Variants in C2CD4C observed in about 807,000 individuals in gnomAD.
C2CD4C encodes the protein C2 calcium dependent domain containing 4C.
In C2CD4C, 3 loss-of-function variants were observed where a neutral mutation model predicts 4.1. That is an observed-to-expected ratio of 0.73 (90% CI 0.33 to 1.88). C2CD4C has a LOEUF of 1.88. Among genes scored for constraint, C2CD4C ranks in the 40% most tolerant of loss-of-function variants. C2CD4C has a pLI of 0.08. For missense variants in C2CD4C, 664 were observed against 621.5 expected (o/e 1.07, Z -0.73); for synonymous variants, 364 against 290.4 (o/e 1.25, Z -2.57).
In C2CD4C at chr19:407,519, G is replaced by A. The variant is rs1974010663; in HGVS notation, c.843C>T (p.Thr281=). Residue 281 remains threonine (T), a synonymous_variant, in exon 2 of 2, where the codon ACC becomes ACT. Transcript: ENST00000332235. ...DASPGSRRRL[T]RRAPPEPGPE... ...GGCCAGGTTCCGGGGGTGCCCGGCG[G>A]GTCAGGCGGCGCCGGCTCCCGGGGC... 7.2e-7 allele frequency: 1 copy of A among 1,381,604 alleles called. No individual in the cohort carries two copies. Among genetic ancestry groups the A allele is most frequent in the Non-Finnish European group, 9.3e-7 (1 of 1,069,732 alleles). 85.6% of individuals were successfully genotyped at this position (1,381,604 alleles called of 1,614,324 possible).
rs1301548740 is a variant in C2CD4C, at chr19:407,897, C to T, written c.465G>A (p.Glu155=). 2 of 1,549,256 alleles carry T rather than the reference C, an allele frequency of 1.3e-6. No homozygotes were observed. The highest frequency in any genetic ancestry group is 2.0e-5 in the Admixed American group (1 of 50,952). ...QTSYGFAMLA[E]SPHTRRKESL... ...ACTCCTTGCGCCTCGTGTGGGGGCT[C>T]TCAGCCAGCATGGCGAAGCCGTAGG... The change falls in exon 2 of 2, where the codon GAG becomes GAA. Residue 155 remains glutamate (E), a synonymous_variant. Coordinates refer to ENST00000332235, the MANE Select transcript of C2CD4C (RefSeq NM_001136263.2).
Position 406,823 on chromosome 19 carries a change from A to C in C2CD4C, c.*273T>G, listed in dbSNP as rs1278956888. 8.8e-6 allele frequency: 4 copies of C among 456,138 alleles called. No individual in the cohort carries two copies. Among genetic ancestry groups the C allele is most frequent in the Admixed American group, 7.9e-5 (2 of 25,278 alleles). The allele number at this position is 456,138 out of a possible 1,614,324, so 28.3% of individuals were successfully genotyped here. A position where few individuals can be genotyped will look rare whatever the true frequency, so the allele number is the denominator to read the frequency against. On this transcript the variant is annotated 3_prime_UTR_variant, in exon 2 of 2. Transcript: ENST00000332235. ...CAAAGGGGGACCCTCTGCCCCGCGA[A>C]GTGGCCCCTTCTCTTCCCCCGAGGC...
At position 407,093 on chromosome 19, in the gene C2CD4C, G is replaced by A. The variant is rs371023265; in HGVS notation, c.*3C>T. The A allele has an allele frequency of 1.3e-4, 192 of 1,505,904 alleles. 1 individual carries two copies. The East Asian group carries it at 2.4e-3, about 19-fold the overall frequency. The allele number at this position is 1,505,904 out of a possible 1,614,324, so 93.3% of individuals were successfully genotyped here. On this transcript the variant is annotated 3_prime_UTR_variant, in exon 2 of 2. Transcript: ENST00000332235. ...CCGAGCGGACAGCGAGCAGGTCCCC[G>A]CTCTACAGGAAGGGGAGCAGGGAGG...
chr19:408,391 G>C lies in C2CD4C; in HGVS notation c.-30C>G. The C allele has an allele frequency of 1.3e-6, 2 of 1,530,900 alleles. No homozygotes were observed. Among genetic ancestry groups the C allele is most frequent in the Non-Finnish European group, 1.8e-6 (2 of 1,138,600 alleles). The allele number at this position is 1,530,900 out of a possible 1,614,324, so 94.8% of individuals were successfully genotyped here. ...GCGGCAGGCAAGAGGCCCGGACAGG[G>C]GCTGCAGCGTCTGGGAAGAGAAGCA... On this transcript the variant is annotated 5_prime_UTR_variant, in exon 2 of 2. Coordinates refer to ENST00000332235, the MANE Select transcript of C2CD4C (RefSeq NM_001136263.2).
Position 408,322 on chromosome 19 carries a change from C to T in C2CD4C, c.40G>A (p.Gly14Arg). The T allele has an allele frequency of 6.5e-7, 1 of 1,547,962 alleles. No homozygotes were observed. Among genetic ancestry groups the T allele is most frequent in the African/African-American group, 1.4e-5 (1 of 72,714 alleles). Residue 14 changes from glycine (G) to arginine (R), a missense_variant, in exon 2 of 2, where the codon GGG becomes AGG. Transcript: ENST00000332235. Reference protein sequence around the residue: ...TNMWFLERLRGSGENGAARGV... With the variant: ...TNMWFLERLRRSGENGAARGV... ...CGGGCAGCACCGTTTTCCCCAGACC[C>T]CCGAAGCCGCTCCAAGAACCACATG...
Position 406,982 on chromosome 19 carries a change from C to CCCAA in C2CD4C, c.*113_*114insTTGG. 11 of 640,730 alleles carry CCCAA rather than the reference C, an allele frequency of 1.7e-5. No individual in the cohort carries two copies. Among genetic ancestry groups the CCCAA allele is most frequent in the East Asian group, 3.7e-5 (1 of 27,214 alleles). The allele number at this position is 640,730 out of a possible 1,614,324, so 39.7% of individuals were successfully genotyped here. On this transcript the variant is annotated 3_prime_UTR_variant, in exon 2 of 2. Coordinates refer to ENST00000332235, the MANE Select transcript of C2CD4C (RefSeq NM_001136263.2). ...CGCCCAGCCCAGCCTGAGTGTGAGC[C>CCCAA]CCTCCCCGGCCAGCCCCAGCCCAAG... is the stretch of plus-strand genomic sequence containing the variant.
chr19:408,536 C>T (rs1430364309), intron 1 of C2CD4C, 135 bp from the exon 2 acceptor site: 1 of 609,008 alleles, frequency 1.6e-6, no homozygotes, highest in Non-Finnish European at 2.8e-6. Context: ...GGGCGTCCCG[C>T]CCAGGCGCGG....
rs1974003806 is a variant in C2CD4C at position 407,138 on chromosome 19, C to T, written c.1224G>A (p.Gly408=). The change falls in exon 2 of 2, where the codon GGG becomes GGA. Residue 408 remains glycine, a synonymous_variant. Coordinates refer to ENST00000332235, the MANE Select transcript of C2CD4C (RefSeq NM_001136263.2). ...GSSLKRDTLL[G]EKELPLTSLL... is the part of the protein sequence containing the mutation. ...GGGAGGTCAGGGGCAGCTCCTTCTC[C>T]CCGAGCAGCGTGTCCCGCTTGAGGC... 4.5e-6 allele frequency: 7 copies of T among 1,550,118 alleles called. No individual in the cohort carries two copies. The highest frequency in any genetic ancestry group is 6.1e-6 in the Non-Finnish European group (7 of 1,146,814).
At position 407,070 on chromosome 19, in the gene C2CD4C, G is replaced by C. The variant is rs373084340; in HGVS notation, c.*26C>G. 3 of 1,361,622 alleles carry C rather than the reference G, an allele frequency of 2.2e-6. No homozygotes were observed. The highest frequency in any genetic ancestry group is 1.9e-6 in the Non-Finnish European group (2 of 1,031,688). 84.3% of individuals were successfully genotyped at this position (1,361,622 alleles called of 1,614,324 possible). A position where few individuals can be genotyped will look rare whatever the true frequency, so the allele number is the denominator to read the frequency against. On this transcript the variant is annotated 3_prime_UTR_variant, in exon 2 of 2. Coordinates refer to ENST00000332235, the MANE Select transcript of C2CD4C (RefSeq NM_001136263.2). ...AGACCGGGGTCTGCCCTCTGCACCC[G>C]AGCGGACAGCGAGCAGGTCCCCGCT...
At position 407,818 on chromosome 19, in the gene C2CD4C, C is replaced by T. The variant is rs1394741343; in HGVS notation, c.544G>A (p.Gly182Arg). Residue 182 changes from glycine to arginine, a missense_variant, in exon 2 of 2, where the codon GGG becomes AGG. Coordinates refer to ENST00000332235, the MANE Select transcript of C2CD4C (RefSeq NM_001136263.2). Reference protein sequence around the residue: ...ALAQVGSPGAGRRRAAAKANG... With the variant: ...ALAQVGSPGARRRRAAAKANG... The stretch of plus-strand genomic sequence containing the variant: ...GCCTTGGCAGCTGCCCGGCGGCGCC[C>T]GGCCCCTGGGGAGCCCACCTGGGCC... 8 of 1,538,220 alleles carry T rather than the reference C, an allele frequency of 5.2e-6. No homozygotes were observed. Among genetic ancestry groups the T allele is most frequent in the East Asian group, 4.9e-5 (2 of 40,546 alleles).
Position 407,661 on chromosome 19 carries a change from C to T in C2CD4C, c.701G>A (p.Arg234His), listed in dbSNP as rs1266552248. 3 of 1,520,048 alleles carry T rather than the reference C, an allele frequency of 2.0e-6. No homozygotes were observed. The highest frequency in any genetic ancestry group is 2.5e-5 in the South Asian group (2 of 79,894). The allele number at this position is 1,520,048 out of a possible 1,614,324, so 94.2% of individuals were successfully genotyped here. The change falls in exon 2 of 2, where the codon CGC becomes CAC. Residue 234 changes from arginine to histidine, a missense_variant. Coordinates refer to ENST00000332235, the MANE Select transcript of C2CD4C (RefSeq NM_001136263.2). Reference sequence around the variant, plus strand: ...GAAACCTTTGAGCAGAGACACGGAGCGGGACAGCAGAGGGGACCCGAAGGG... The same window carrying T: ...GAAACCTTTGAGCAGAGACACGGAGTGGGACAGCAGAGGGGACCCGAAGGG... ...SSPFGSPLLS[R>H]SVSLLKGFAQ...
At position 406,742 on chromosome 19, in the gene C2CD4C, C is replaced by T. The variant is rs1478868416; in HGVS notation, c.*354G>A. On this transcript the variant is annotated 3_prime_UTR_variant, in exon 2 of 2. Coordinates refer to ENST00000332235, the MANE Select transcript of C2CD4C (RefSeq NM_001136263.2). ...TGGCCACATGCACGGATTCCTGAAC[C>T]CCTGAGAACCTCCTTCTAGAACTCT... is the stretch of plus-strand genomic sequence containing the variant. The T allele has an allele frequency of 4.4e-6, 1 of 224,750 alleles. No homozygotes were observed. The highest frequency in any genetic ancestry group is 2.3e-5 in the African/African-American group (1 of 43,502). The allele number at this position is 224,750 out of a possible 1,614,324, so 13.9% of individuals were successfully genotyped here.
chr19:407,378 G>C lies in C2CD4C; in HGVS notation c.984C>G (p.Ala328=). 2 of 1,539,876 alleles carry C rather than the reference G, an allele frequency of 1.3e-6. No individual in the cohort carries two copies. The highest frequency in any genetic ancestry group is 2.4e-5 in the South Asian group (2 of 83,936). ...GQARLRVHLL[A]AEGLYDRLCD... is the part of the protein sequence containing the mutation. ...ACAGGCGGTCGTAGAGGCCCTCGGC[G>C]GCCAGCAGGTGCACCCGCAGGCGGG... Residue 328 remains alanine (A), a synonymous_variant, in exon 2 of 2, where the codon GCC becomes GCG. Transcript: ENST00000332235.
chr19:407,217 G>A lies in C2CD4C; in HGVS notation c.1145C>T (p.Pro382Leu). The A allele has an allele frequency of 6.5e-7, 1 of 1,550,250 alleles. No individual in the cohort carries two copies. The highest frequency in any genetic ancestry group is 8.7e-7 in the Non-Finnish European group (1 of 1,146,878). ...NEDFFFDGLG[P>L]ASVRKLALRI... ...GAGGGCCAGTTTCCGGACGCTGGCG[G>A]GCCCCAGGCCGTCGAAGAAGAAATC... The change falls in exon 2 of 2, where the codon CCC becomes CTC. Residue 382 changes from proline (P) to leucine (L), a missense_variant. By Grantham distance (98) the Pro-to-Leu change is moderately conservative. Transcript: ENST00000332235.
rs1172517665 is a variant in C2CD4C, at chr19:407,237, G to A, written c.1125C>T (p.Phe375=). ...TGGCGGGCCCCAGGCCGTCGAAGAA[G>A]AAATCCTCGTTGAAGACGGGGCGGC... is the stretch of plus-strand genomic sequence containing the variant. ...NSRRPVFNED[F]FFDGLGPASV... The change falls in exon 2 of 2, where the codon TTC becomes TTT. Residue 375 remains phenylalanine, a synonymous_variant. Coordinates refer to ENST00000332235, the MANE Select transcript of C2CD4C (RefSeq NM_001136263.2). 4 of 1,550,260 alleles carry A rather than the reference G, an allele frequency of 2.6e-6. No homozygotes were observed. Among genetic ancestry groups the A allele is most frequent in the Non-Finnish European group, 2.6e-6 (3 of 1,146,888 alleles).
At position 407,931 on chromosome 19, in the gene C2CD4C, G is replaced by A. The variant is rs1368090623; in HGVS notation, c.431C>T (p.Ala144Val). The change falls in exon 2 of 2, where the codon GCC becomes GTC. Residue 144 changes from alanine (A) to valine (V), a missense_variant. Coordinates refer to ENST00000332235, the MANE Select transcript of C2CD4C (RefSeq NM_001136263.2). ...CATGGCGAAGCCGTAGGACGTCTGGGCCTTGGGCACCGAGGGCAGGGACAT... is the reference window on the plus strand; with the variant it reads ...CATGGCGAAGCCGTAGGACGTCTGGACCTTGGGCACCGAGGGCAGGGACAT... ...GAMSLPSVPK[A>V]QTSYGFAMLA... 2.6e-6 allele frequency: 4 copies of A among 1,548,502 alleles called. No individual in the cohort carries two copies. Among genetic ancestry groups the A allele is most frequent in the Non-Finnish European group, 3.5e-6 (4 of 1,146,320 alleles).
chr19:408,781 G>T (rs1477836467), intron 1 of C2CD4C, among the ~76,000 whole-genome samples: 1 of 152,162 alleles, frequency 6.6e-6, no homozygotes, highest in Non-Finnish European at 1.5e-5. Flanking sequence ...GACCCCCGGG[G>T]TGTCCCAGCT....
rs939009851 is a variant in C2CD4C at position 407,303 on chromosome 19, G to C, written c.1059C>G (p.Gly353=). The C allele has an allele frequency of 1.3e-6, 2 of 1,549,876 alleles. No individual in the cohort carries two copies. Among genetic ancestry groups the C allele is most frequent in the Admixed American group, 2.0e-5 (1 of 51,004 alleles). ...TGGTGCTGCGCTGCTTCTGCAGCTTGCCCGGCACCAGGCACAGGCCCACGC... is the reference window on the plus strand; with the variant it reads ...TGGTGCTGCGCTGCTTCTGCAGCTTCCCCGGCACCAGGCACAGGCCCACGC... ...NCCVGLCLVP[G]KLQKQRSTIV... is the part of the protein sequence containing the mutation. The change falls in exon 2 of 2, where the codon GGC becomes GGG. Residue 353 remains glycine (G), a synonymous_variant. Coordinates refer to ENST00000332235, the MANE Select transcript of C2CD4C (RefSeq NM_001136263.2).
At chr19:408,887 G>T (rs1021534359) in intron 1 of C2CD4C, 119 bp downstream of exon 1, 2 of 152,382 alleles carry the variant, frequency 1.3e-5, no homozygotes, top group Non-Finnish European at 2.9e-5. Flanking sequence ...GTCTGGGGCC[G>T]AGAGAGCAGC....
Sources: allele counts gnomAD v4.1 joint callset (sites outside exome capture counted in the v4.1 genomes callset), GRCh38; gene constraint gnomAD v4.1.1; transcripts MANE v1.5; gene names NCBI Gene and HGNC (gene_info 2026-07-23, HGNC 2026-07-21).